PPARGC1A: variants seen among roughly 807,000 people sequenced by gnomAD.
The protein encoded by PPARGC1A is PPARG coactivator 1 alpha.
Under a neutral mutation model 88.7 loss-of-function variants are expected in PPARGC1A, and 25 were observed. That is an observed-to-expected ratio of 0.28 (90% CI 0.21 to 0.39). The LOEUF is 0.39. PPARGC1A is among the 10% of genes least tolerant of loss of function. The pLI is 1.00. For synonymous variants in PPARGC1A, 363 were observed against 355.6 expected (o/e 1.02, Z -0.24); for missense variants, 880 against 968.7 (o/e 0.91, Z 1.22).
chr4:24,269,482 T>C, the PPARGC1A span, among the ~76,000 whole-genome samples: 1 of 152,234 alleles, frequency 6.6e-6, no homozygotes, highest in Non-Finnish European at 1.5e-5. Flanking sequence ...TACTGTATGA[T>C]AATTTGAGTT....
At chr4:24,318,001 C>A in the PPARGC1A span, among the ~76,000 whole-genome samples, 2 of 152,124 alleles carry the variant, frequency 1.3e-5, no homozygotes, top group African/African-American at 2.4e-5. Flanking sequence ...GAAGTTCTGT[C>A]GTGATTAAAG....
chr4:24,220,943 A>C, the PPARGC1A span, among the ~76,000 whole-genome samples: 2 of 152,180 alleles, frequency 1.3e-5, no homozygotes, highest in African/African-American at 4.8e-5. Context: ...TACTAAAAGA[A>C]ATAGCAAATC....
chr4:24,002,361 C>G, the PPARGC1A span, among the ~76,000 whole-genome samples: 1 of 152,030 alleles, frequency 6.6e-6, no homozygotes, highest in Non-Finnish European at 1.5e-5. Flanking sequence ...CTCCTGACCT[C>G]GAGATCTGCC....
the PPARGC1A span, among the ~76,000 whole-genome samples, chr4:23,974,976 T>C: frequency 7.3e-5 from 11 of 151,604 alleles, no homozygotes; most frequent in Non-Finnish European, 1.5e-4. Flanking sequence ...TTTATTTAGA[T>C]AATATTGTTC....
the PPARGC1A span, among the ~76,000 whole-genome samples, chr4:24,373,618 C>A: frequency 6.6e-6 from 1 of 152,000 alleles, no homozygotes; most frequent in South Asian, 2.1e-4. Context: ...GCATGTTATA[C>A]AAATTTATAA....
the PPARGC1A span, among the ~76,000 whole-genome samples, chr4:24,017,336 T>C: frequency 6.6e-6 from 1 of 152,106 alleles, no homozygotes; most frequent in African/African-American, 2.4e-5. Context: ...GTATGTGAAA[T>C]TAGCCTAAGA....
chr4:24,228,148 A>G, the PPARGC1A span, among the ~76,000 whole-genome samples: 2,102 of 152,232 alleles, frequency 0.014, 176 homozygotes, highest in East Asian at 0.26. Context: ...TGGATGGATA[A>G]AGTGATCTAA....
the PPARGC1A span, among the ~76,000 whole-genome samples, chr4:24,375,410 C>T: frequency 6.6e-6 from 1 of 152,088 alleles, no homozygotes; most frequent in African/African-American, 2.4e-5. Flanking sequence ...GTGCAGTGTA[C>T]CAAATTTTAT....
chr4:23,831,409 A>T (rs1023671877), intron 3 of PPARGC1A, 148 bp downstream of exon 3: 5 of 633,270 alleles, frequency 7.9e-6, no homozygotes, highest in Non-Finnish European at 1.3e-5. Flanking sequence ...AGAGAATCAC[A>T]CAATTTGCAA....
the PPARGC1A span, among the ~76,000 whole-genome samples, chr4:24,053,437 C>T: frequency 1.5e-4 from 23 of 152,086 alleles, no homozygotes; most frequent in Admixed American, 8.5e-4. Flanking sequence ...GGCTAAGCAC[C>T]AGCTTTGATG....
the PPARGC1A span, among the ~76,000 whole-genome samples, chr4:24,092,422 A>T: frequency 6.6e-6 from 1 of 152,118 alleles, no homozygotes; most frequent in South Asian, 2.1e-4. Context: ...AATTGGTCTA[A>T]ACTAGGACCC....
the PPARGC1A span, among the ~76,000 whole-genome samples, chr4:24,036,725 C>T: frequency 6.6e-6 from 1 of 152,028 alleles, no homozygotes; most frequent in Admixed American, 6.6e-5. Context: ...GGGTGATTGC[C>T]ACTTGGGTAG....
the PPARGC1A span, among the ~76,000 whole-genome samples, chr4:23,995,151 T>C: frequency 5.3e-5 from 8 of 152,154 alleles, no homozygotes; most frequent in East Asian, 1.9e-4. Context: ...TGCAGACTAA[T>C]AGAGTGCCCA....
At chr4:24,009,186 A>G in the PPARGC1A span, among the ~76,000 whole-genome samples, 3 of 148,124 alleles carry the variant, frequency 2.0e-5, no homozygotes, top group South Asian at 6.5e-4. Flanking sequence ...ATGATTATTC[A>G]TTATTTTATA....
chr4:24,360,829 G>C, the PPARGC1A span, among the ~76,000 whole-genome samples: 6 of 152,192 alleles, frequency 3.9e-5, no homozygotes, highest in South Asian at 1.2e-3. Context: ...TCATCTATAT[G>C]ATGTGGCTTA....
At chr4:24,304,269 T>G in the PPARGC1A span, among the ~76,000 whole-genome samples, 1 of 152,226 alleles carries the variant, frequency 6.6e-6, no homozygotes, top group Non-Finnish European at 1.5e-5. Context: ...TGCTAAAGGA[T>G]AGACATTTCC....
the PPARGC1A span, among the ~76,000 whole-genome samples, chr4:24,128,885 A>G: frequency 6.6e-6 from 1 of 152,150 alleles, no homozygotes; most frequent in Non-Finnish European, 1.5e-5. Flanking sequence ...GACCCCCTCT[A>G]ACAATCAACG....
the PPARGC1A span, among the ~76,000 whole-genome samples, chr4:23,945,775 G>A: frequency 6.6e-6 from 1 of 152,132 alleles, no homozygotes; most frequent in Admixed American, 6.6e-5. Flanking sequence ...GAAACCTCCT[G>A]ATTAATAAAG....
rs1290360148 is a variant in PPARGC1A at position 23,792,776 on chromosome 4, A to G, written c.*3046T>C. 1.3e-5 allele frequency: 2 copies of G among 152,428 alleles called. No individual in the cohort carries two copies. Among genetic ancestry groups the G allele is most frequent in the Non-Finnish European group, 2.9e-5 (2 of 68,004 alleles). 9.4% of individuals were successfully genotyped at this position (152,428 alleles called of 1,614,324 possible). On this transcript the variant is annotated 3_prime_UTR_variant, in exon 13 of 13. Coordinates refer to ENST00000264867, the MANE Select transcript of PPARGC1A (RefSeq NM_013261.5). ...TGGGGTGCACGTGTTCATTTGAAAT[A>G]TTCTCTCCCAAAAAAATAAAAATAA...
Sources: gnomAD v4.1 joint callset for allele counts (sites outside exome capture counted in the v4.1 genomes callset) on GRCh38, gnomAD v4.1.1 for gene constraint, MANE v1.5 for transcripts, NCBI Gene and HGNC (gene_info 2026-07-23, HGNC 2026-07-21) for gene names.